AKAP13: variants seen among roughly 807,000 people sequenced by gnomAD.
AKAP13 encodes the protein A-kinase anchor protein 13.
AKAP13 carries 80 observed loss-of-function variants against 264.5 expected under a neutral mutation model. The ratio of observed to expected loss-of-function variants is 0.30; its 90% CI spans 0.25 to 0.36. AKAP13 has a LOEUF of 0.36. AKAP13 is among the 10% of genes least tolerant of loss of function. AKAP13 has a pLI of 1.00. For synonymous variants in AKAP13, 1,380 were observed against 1,250.2 expected, an observed-to-expected ratio of 1.10 and a Z score of -2.19; for missense variants, 3,712 against 3,435.2, an observed-to-expected ratio of 1.08 and a Z score of -2.01.
intron 4 of AKAP13, among the ~76,000 whole-genome samples, chr15:85,543,272 T>G (rs2077629744): frequency 6.6e-6 from 1 of 152,180 alleles, no homozygotes; most frequent in Non-Finnish European, 1.5e-5. Context: ...GCAGAACCTG[T>G]TTTTAGTGTT....
At chr15:85,570,227 G>A (rs1308427620) in intron 5 of AKAP13, among the ~76,000 whole-genome samples, 1 of 152,130 alleles carries the variant, frequency 6.6e-6, no homozygotes, top group African/African-American at 2.4e-5. Flanking sequence ...GAGAAGGATG[G>A]ATCACCTGAG....
At chr15:85,590,037 A>G (rs1020972792) in intron 8 of AKAP13, among the ~76,000 whole-genome samples, 1 of 152,118 alleles carries the variant, frequency 6.6e-6, no homozygotes. Context: ...GTTAGAGTCT[A>G]TGATTATATT....
chr15:85,613,979 G>T (rs2080827592), intron 8 of AKAP13, among the ~76,000 whole-genome samples: 1 of 152,032 alleles, frequency 6.6e-6, no homozygotes, highest in Non-Finnish European at 1.5e-5. Flanking sequence ...CAAGATTATA[G>T]TTTAAAGGAG....
At chr15:85,592,046 CT>C (rs386383662) in intron 8 of AKAP13, among the ~76,000 whole-genome samples, 27,622 of 105,082 alleles carry the variant, frequency 0.26, 1,605 homozygotes, top group Middle Eastern at 0.38. Flanking sequence ...GAACCATGAT[CT>C]TTTTTTTTTT....
rs147959118 is a variant in AKAP13 at position 85,467,397 on chromosome 15, T to C, written c.-11-18313T>C. 4.4e-3 allele frequency among the ~76,000 whole-genome samples: 675 copies of C among 152,288 alleles called. 2 individuals carry two copies. Among genetic ancestry groups the C allele is most frequent in the Non-Finnish European group, 7.8e-3 (532 of 68,022 alleles). ...ACAGCATCCTCATATTACCTTGTGATCTGTTCCTACTGGGCCACCATTAAT... is the reference window on the plus strand; with the variant it reads ...ACAGCATCCTCATATTACCTTGTGACCTGTTCCTACTGGGCCACCATTAAT... On this transcript the variant is annotated intron_variant, in intron 1 of 36. Coordinates refer to ENST00000394518, the MANE Select transcript of AKAP13 (RefSeq NM_007200.5).
intron 20 of AKAP13, 115 bp downstream of exon 20, chr15:85,716,038 A>G (rs2086916103): frequency 1.5e-6 from 2 of 1,354,214 alleles, no homozygotes; most frequent in Non-Finnish European, 2.0e-6. Flanking sequence ...CTATAAGGTC[A>G]TGGGTTGGTG....
chr15:85,416,482 C>T (rs535358861), intron 1 of AKAP13, among the ~76,000 whole-genome samples: 161 of 152,302 alleles, frequency 1.1e-3, no homozygotes, highest in Non-Finnish European at 1.9e-3. Context: ...TATACCTCTA[C>T]GCACTAATTC....
chr15:85,609,225 C>T (rs551200121), intron 8 of AKAP13, among the ~76,000 whole-genome samples: 14 of 152,178 alleles, frequency 9.2e-5, no homozygotes, highest in Admixed American at 2.0e-4. Flanking sequence ...ATTTGTTCCT[C>T]TTATGACTCT....
intron 1 of AKAP13, among the ~76,000 whole-genome samples, chr15:85,393,452 G>C (rs1461636988): frequency 1.3e-5 from 2 of 152,346 alleles, no homozygotes; most frequent in East Asian, 3.9e-4. Flanking sequence ...CAAAGCTTTT[G>C]CTTGGGCATT....
intron 2 of AKAP13, among the ~76,000 whole-genome samples, chr15:85,488,776 A>G (rs2075642436): frequency 6.6e-6 from 1 of 152,154 alleles, no homozygotes; most frequent in Non-Finnish European, 1.5e-5. Context: ...CCACATAGAG[A>G]CTCTAGAAGG....
chr15:85,675,845 G>A (rs1048782640), intron 14 of AKAP13, among the ~76,000 whole-genome samples: 24 of 152,102 alleles, frequency 1.6e-4, no homozygotes, highest in African/African-American at 5.1e-4. Flanking sequence ...TAAGTTGGTC[G>A]AATAATGATT....
In AKAP13 at chr15:85,684,777, C is replaced by T; in HGVS notation, c.5193C>T (p.Ser1731=). ...AGAACTATAATTTCCTGCCACATAG[C>T]CCCTCCAAGAAAGATTCTGAATGGA... The part of the protein sequence containing the change: ...TEENYNFLPH[S]PSKKDSEWKS... The change falls in exon 16 of 37, where the codon AGC becomes AGT. Residue 1731 remains serine, a synonymous_variant. Coordinates refer to ENST00000394518, the MANE Select transcript of AKAP13 (RefSeq NM_007200.5). 6.2e-7 allele frequency: 1 copy of T among 1,613,474 alleles called. No individual in the cohort carries two copies. Among genetic ancestry groups the T allele is most frequent in the Non-Finnish European group, 8.5e-7 (1 of 1,179,862 alleles).
chr15:85,574,181 G>A (rs1397152105), intron 5 of AKAP13, among the ~76,000 whole-genome samples: 1 of 152,212 alleles, frequency 6.6e-6, no homozygotes, highest in Non-Finnish European at 1.5e-5. Flanking sequence ...AGAAGAGGGT[G>A]CTTAACACTT....
At chr15:85,744,393 T>C (rs2089295764) in intron 36 of AKAP13, 3 of 523,250 alleles carry the variant, frequency 5.7e-6, no homozygotes. Context: ...TTTCCTGGCC[T>C]CTTCATAAAT....
At chr15:85,424,935 T>G (rs141018903) in intron 1 of AKAP13, among the ~76,000 whole-genome samples, 68 of 152,310 alleles carry the variant, frequency 4.5e-4, no homozygotes, top group African/African-American at 1.6e-3. Flanking sequence ...AGTTAGAACA[T>G]ACACAACATT....
chr15:85,713,120 C>T (rs746511769), intron 19 of AKAP13, among the ~76,000 whole-genome samples: 2 of 152,142 alleles, frequency 1.3e-5, no homozygotes, highest in Non-Finnish European at 2.9e-5. Context: ...CTGCTATGAT[C>T]ATCACAAATA....
chr15:85,579,553 G>T lies in AKAP13; in HGVS notation c.1485G>T (p.Lys495Asn), dbSNP rs776499874. 16 of 1,614,204 alleles carry T rather than the reference G, an allele frequency of 9.9e-6. No homozygotes were observed. Among genetic ancestry groups the T allele is most frequent in the Non-Finnish European group, 1.4e-5 (16 of 1,180,040 alleles). ...TGAACCCAGATGCCACTGTTTGGAA[G>T]AATGTGCTTCAGGGAGGGGAAAGTA... ...GLMNPDATVWKNVLQGGESTK... is the reference protein window; with the variant it reads ...GLMNPDATVWNNVLQGGESTK... The change falls in exon 7 of 37, where the codon AAG (lysine) becomes AAT (asparagine). Residue 495 changes from lysine to asparagine, a missense_variant. Physicochemically the swap from Lys to Asn is moderately conservative, Grantham distance 94. Coordinates refer to ENST00000394518, the MANE Select transcript of AKAP13 (RefSeq NM_007200.5).
chr15:85,707,853 C>T (rs2086395475), intron 17 of AKAP13, among the ~76,000 whole-genome samples, 166 bp from the exon 18 acceptor site: 2 of 151,992 alleles, frequency 1.3e-5, no homozygotes, highest in African/African-American at 2.4e-5. Context: ...AATAACATCA[C>T]AGACCTGCTT....
At chr15:85,534,704 C>G (rs1231480735) in intron 4 of AKAP13, 1 of 151,992 alleles carries the variant, frequency 6.6e-6, no homozygotes, top group East Asian at 1.9e-4. Flanking sequence ...TCCCAAAGTG[C>G]TGGGATTATA....
Sources: gnomAD v4.1 joint callset for allele counts (sites outside exome capture counted in the v4.1 genomes callset) on GRCh38, gnomAD v4.1.1 for gene constraint, MANE v1.5 for transcripts, NCBI Gene and HGNC (gene_info 2026-07-23, HGNC 2026-07-21) for gene names.